SRD5A2: variants seen among roughly 807,000 people sequenced by gnomAD.
The protein encoded by SRD5A2 is 3-oxo-5-alpha-steroid 4-dehydrogenase 2.
Under a neutral mutation model 27.4 loss-of-function variants are expected in SRD5A2, and 30 were observed. The observed-to-expected ratio is 1.10, with a 90% confidence interval of 0.82 to 1.49. The LOEUF (loss-of-function observed/expected upper bound fraction) is 1.49, where lower values mean the gene tolerates loss of function less well. Ranked by LOEUF, SRD5A2 falls within the 40% of genes most tolerant of loss-of-function variation. The pLI is 0.00. For missense variants in SRD5A2, 348 were observed against 323.4 expected (o/e 1.08, Z -0.58); for synonymous variants, 141 against 133.6 (o/e 1.06, Z -0.38).
chr2:31,624,993 C>T, the SRD5A2 span, among the ~76,000 whole-genome samples: 6 of 152,204 alleles, frequency 3.9e-5, no homozygotes, highest in Non-Finnish European at 8.8e-5. Flanking sequence ...AAAAGTGTTC[C>T]TATTTCCACA....
At chr2:31,590,223 C>A in the SRD5A2 span, among the ~76,000 whole-genome samples, 2 of 130,654 alleles carry the variant, frequency 1.5e-5, no homozygotes, top group Admixed American at 8.7e-5. Flanking sequence ...GACATAAACT[C>A]TTGGGAGCTC....
chr2:31,605,027 C>G, the SRD5A2 span, among the ~76,000 whole-genome samples: 2 of 151,608 alleles, frequency 1.3e-5, no homozygotes, highest in African/African-American at 4.8e-5. Context: ...ATTTTCAACA[C>G]AAGTGCCAAG....
At chr2:31,634,786 T>C in the SRD5A2 span, among the ~76,000 whole-genome samples, 1 of 152,166 alleles carries the variant, frequency 6.6e-6, no homozygotes, top group Non-Finnish European at 1.5e-5. Flanking sequence ...CATGCGATAT[T>C]TGTTTTTCTT....
chr2:31,599,176 G>C, the SRD5A2 span, among the ~76,000 whole-genome samples: 13 of 151,776 alleles, frequency 8.6e-5, no homozygotes, highest in African/African-American at 3.1e-4. Flanking sequence ...GAAAATACTA[G>C]AGCAAAAGTG....
the SRD5A2 span, among the ~76,000 whole-genome samples, chr2:31,622,997 C>G: frequency 6.6e-6 from 1 of 152,042 alleles, no homozygotes; most frequent in South Asian, 2.1e-4. Flanking sequence ...CAAATGAGTT[C>G]TTCAGCAACT....
At chr2:31,585,901 T>C (rs1667167711), upstream of SRD5A2, among the ~76,000 whole-genome samples, 1 of 152,132 alleles carries the variant, frequency 6.6e-6, no homozygotes. Flanking sequence ...CTTAAATGAA[T>C]ACCTGTGATA....
At chr2:31,630,558 C>G in the SRD5A2 span, among the ~76,000 whole-genome samples, 1 of 152,164 alleles carries the variant, frequency 6.6e-6, no homozygotes, top group African/African-American at 2.4e-5. Flanking sequence ...TATCAAAAAT[C>G]CTTAACCCAG....
chr2:31,526,569 C>T (rs554344206), intron 4 of SRD5A2, among the ~76,000 whole-genome samples: 17 of 152,054 alleles, frequency 1.1e-4, no homozygotes, highest in Admixed American at 4.6e-4. Context: ...ATTTTTGTTA[C>T]GTATATCCTA....
intron 1 of SRD5A2, 104 bp from the exon 2 acceptor site, chr2:31,533,870 C>T: frequency 7.5e-7 from 1 of 1,330,088 alleles, no homozygotes; most frequent in Non-Finnish European, 1.0e-6. Context: ...AAAAACCAGG[C>T]TCTGCCATTT....
At chr2:31,547,234 G>A (rs1346659172) in intron 1 of SRD5A2, among the ~76,000 whole-genome samples, 1 of 152,206 alleles carries the variant, frequency 6.6e-6, no homozygotes, top group Non-Finnish European at 1.5e-5. Flanking sequence ...TGCTATGATG[G>A]TTGATTTTGG....
chr2:31,620,593 C>T, the SRD5A2 span, among the ~76,000 whole-genome samples: 81 of 152,010 alleles, frequency 5.3e-4, no homozygotes, highest in African/African-American at 1.9e-3. Context: ...GAATTGAACC[C>T]ACAATATCTC....
chr2:31,613,034 T>C, the SRD5A2 span, among the ~76,000 whole-genome samples: 5 of 152,102 alleles, frequency 3.3e-5, no homozygotes, highest in East Asian at 9.6e-4. Context: ...AATAAGAGAC[T>C]GAAACATAAG....
chr2:31,603,368 G>A, the SRD5A2 span, among the ~76,000 whole-genome samples: 1 of 151,992 alleles, frequency 6.6e-6, no homozygotes, highest in Non-Finnish European at 1.5e-5. Context: ...TCTCATGCCA[G>A]TCAGAATGGC....
chr2:31,648,677 G>C, the SRD5A2 span, among the ~76,000 whole-genome samples: 1,687 of 152,254 alleles, frequency 0.011, 35 homozygotes, highest in African/African-American at 0.038. Flanking sequence ...TCAGAAGAAA[G>C]CAACCAAACT....
At chr2:31,548,916 A>T (rs2148077172) in intron 1 of SRD5A2, among the ~76,000 whole-genome samples, 1 of 152,090 alleles carries the variant, frequency 6.6e-6, no homozygotes, top group East Asian at 1.9e-4. Flanking sequence ...AAATTCTAAC[A>T]CGTACTATAA....
At chr2:31,577,975 AATT>A (rs1402962546) in intron 1 of SRD5A2, among the ~76,000 whole-genome samples, 1 of 152,204 alleles carries the variant, frequency 6.6e-6, no homozygotes, top group African/African-American at 2.4e-5. Flanking sequence ...TATATAGGTA[AATT>A]ATTATTTTTA....
chr2:31,660,080 T>C, the SRD5A2 span, among the ~76,000 whole-genome samples: 1 of 152,122 alleles, frequency 6.6e-6, no homozygotes, highest in African/African-American at 2.4e-5. Flanking sequence ...GAATTTGATA[T>C]TTTAAAAAAT....
At chr2:31,595,092 C>T in the SRD5A2 span, among the ~76,000 whole-genome samples, 3 of 152,054 alleles carry the variant, frequency 2.0e-5, no homozygotes, top group African/African-American at 7.2e-5. Context: ...GCATTAAATG[C>T]TTACATCAAA....
At chr2:31,544,198 T>C (rs566611761) in intron 1 of SRD5A2, among the ~76,000 whole-genome samples, 3 of 151,918 alleles carry the variant, frequency 2.0e-5, no homozygotes, top group Non-Finnish European at 4.4e-5. Flanking sequence ...CAGTGAAAAC[T>C]TCAGAATTGA....
Sources: allele counts gnomAD v4.1 joint callset (sites outside exome capture counted in the v4.1 genomes callset), GRCh38; gene constraint gnomAD v4.1.1; transcripts MANE v1.5; gene names NCBI Gene and HGNC (gene_info 2026-07-23, HGNC 2026-07-21).